The following BDH1 variants were observed in gnomAD, a reference collection of about 807,000 sequenced individuals.
BDH1 encodes D-beta-hydroxybutyrate dehydrogenase, mitochondrial.
A neutral mutation model predicts 33.1 loss-of-function variants in BDH1; 30 were observed. The ratio of observed to expected loss-of-function variants is 0.91; its 90% CI spans 0.68 to 1.23. The LOEUF is 1.23. BDH1 is among the 50% of genes most tolerant of loss of function. BDH1 has a pLI of 0.00. For missense variants in BDH1, 443 were observed against 464.4 expected (o/e 0.95, Z 0.42); for synonymous variants, 190 against 183.6 (o/e 1.03, Z -0.28).
rs1246323877 is a variant in BDH1, at chr3:197,522,197, C to G, written c.409+443G>C. 6.6e-6 allele frequency among the ~76,000 whole-genome samples: 1 copy of G among 152,214 alleles called. No homozygotes were observed. Among genetic ancestry groups the G allele is most frequent in the Non-Finnish European group, 1.5e-5 (1 of 68,046 alleles). ...TTAACTGGCCTATTTCCACTGCGCC[C>G]CCATGGCTGGACTGACCCCTCCTTC... On this transcript the variant is annotated intron_variant, in intron 6 of 7. Coordinates refer to ENST00000392379, the MANE Select transcript of BDH1 (RefSeq NM_203314.3). The surrounding 1 kb of genome is among the most constrained non-coding windows in gnomAD (Gnocchi z 4.8).
intron 3 of BDH1, chr3:197,542,956 G>A (rs912295668): frequency 1.2e-5 from 12 of 979,968 alleles, no homozygotes; most frequent in African/African-American, 1.8e-5. Flanking sequence ...ACCTCCCCAA[G>A]GCCCTGTGGA....
At chr3:197,552,283 A>G (rs1716641324) in intron 2 of BDH1, among the ~76,000 whole-genome samples, 1 of 152,140 alleles carries the variant, frequency 6.6e-6, no homozygotes, top group African/African-American at 2.4e-5. Context: ...GCCTAGTCCA[A>G]GCCTTCATCC....
intron 1 of BDH1, among the ~76,000 whole-genome samples, chr3:197,564,796 GTAAAGGTTA>G (rs1277734961): frequency 6.6e-6 from 1 of 152,154 alleles, no homozygotes; most frequent in Non-Finnish European, 1.5e-5. Flanking sequence ...CAACTCCTAA[GTAAAGGTTA>G]TAAAGGTTAT....
intron 1 of BDH1, among the ~76,000 whole-genome samples, chr3:197,565,925 AG>A (rs1324471934): frequency 1.3e-5 from 2 of 152,250 alleles, no homozygotes; most frequent in Non-Finnish European, 2.9e-5. Flanking sequence ...TCAGAACAAA[AG>A]CTAACTGCGT....
chr3:197,551,214 A>C (rs1282175975), intron 2 of BDH1, among the ~76,000 whole-genome samples: 1 of 152,186 alleles, frequency 6.6e-6, no homozygotes, highest in Non-Finnish European at 1.5e-5. Flanking sequence ...TCCCCACTGC[A>C]CAGACCCTCA....
At chr3:197,551,959 G>A (rs1020667240) in intron 2 of BDH1, among the ~76,000 whole-genome samples, 2 of 152,110 alleles carry the variant, frequency 1.3e-5, no homozygotes, top group African/African-American at 4.8e-5. Context: ...TCTGTTCTTG[G>A]TCTGTTCTCC....
At chr3:197,556,768 GCCAC>G (rs1317929572), upstream of BDH1, among the ~76,000 whole-genome samples, 3 of 152,230 alleles carry the variant, frequency 2.0e-5, no homozygotes, top group African/African-American at 7.2e-5. Context: ...AGGGCCATCG[GCCAC>G]AGATAAGGGT....
At chr3:197,569,351 A>G (rs1717532603) in intron 1 of BDH1, among the ~76,000 whole-genome samples, 1 of 152,196 alleles carries the variant, frequency 6.6e-6, no homozygotes, top group South Asian at 2.1e-4. Flanking sequence ...AGAAGCTGGA[A>G]TGGCTTTGTT....
chr3:197,556,465 C>G (rs1580008229), upstream of BDH1, among the ~76,000 whole-genome samples: 1 of 152,046 alleles, frequency 6.6e-6, no homozygotes, highest in East Asian at 1.9e-4. Context: ...GTCAGGAGTT[C>G]GAGACCAGCC....
Position 197,528,299 on chromosome 3 carries a change from AGTGAGTGT to A in BDH1, c.267+4105_267+4112del, listed in dbSNP as rs1443894500. The A allele has an allele frequency of 1.9e-4, 27 of 145,010 alleles. No homozygotes were observed. The highest frequency in any genetic ancestry group is 3.5e-3 in the Middle Eastern group (1 of 286). The allele number at this position is 145,010 out of a possible 1,614,324, so 9.0% of individuals were successfully genotyped here. A position where few individuals can be genotyped will look rare whatever the true frequency, so the allele number is the denominator to read the frequency against. The stretch of plus-strand genomic sequence containing the variant: ...TGGTGTAGGTCTGTATGAGTGAGTG[AGTGAGTGT>A]GTGTGTGTGTGTGTGTGTGTGTGTG... On this transcript the variant is annotated intron_variant, in intron 5 of 7. Coordinates refer to ENST00000392379, the MANE Select transcript of BDH1 (RefSeq NM_203314.3). The surrounding 1 kb of genome is among the most constrained non-coding windows in gnomAD (Gnocchi z 5.1).
chr3:197,524,231 G>A (rs1374669012), intron 5 of BDH1, among the ~76,000 whole-genome samples: 1 of 152,242 alleles, frequency 6.6e-6, no homozygotes, highest in Non-Finnish European at 1.5e-5. Flanking sequence ...CTTGTAAGAG[G>A]ACAGGACTAG....
At chr3:197,534,724 A>C (rs1714995642) in intron 3 of BDH1, among the ~76,000 whole-genome samples, 2 of 152,328 alleles carry the variant, frequency 1.3e-5, no homozygotes, top group South Asian at 4.1e-4. Flanking sequence ...GTTTCCCCAC[A>C]GCCTTGTCGG....
rs920367550 is a variant in BDH1, at chr3:197,512,362, G to A, written c.565C>T (p.Arg189Cys). 46 of 1,600,814 alleles carry A rather than the reference G, an allele frequency of 2.9e-5. No homozygotes were observed. The highest frequency in any genetic ancestry group is 3.4e-5 in the Non-Finnish European group (40 of 1,176,672). Residue 189 changes from arginine to cysteine, a missense_variant and splice_region_variant, in exon 8 of 8, where the codon CGC (arginine) becomes TGC (cysteine). Coordinates refer to ENST00000392379, the MANE Select transcript of BDH1 (RefSeq NM_203314.3). Reference sequence around the variant, plus strand: ...AGCATGCTGCTGATATTGACGACGCGGCCTACAGAGGGAGACAGAGGTACC... The same window carrying A: ...AGCATGCTGCTGATATTGACGACGCAGCCTACAGAGGGAGACAGAGGTACC... Reference protein sequence around the residue: ...FLPLIRRAKGRVVNISSMLGR... With the variant: ...FLPLIRRAKGCVVNISSMLGR...
Position 197,533,489 on chromosome 3 carries a change from C to G in BDH1, c.156G>C (p.Pro52=), listed in dbSNP as rs570279645. ...CCCGGGTAGCTGGGCTTCCACTCACCGGCTCCGCCGCACTGGCATAAGTCC... is the reference window on the plus strand; with the variant it reads ...CCCGGGTAGCTGGGCTTCCACTCACGGGCTCCGCCGCACTGGCATAAGTCC... ...GRRTYASAAE[P]VGSKAVLVTG... is the part of the protein sequence containing the mutation. Residue 52 remains proline (P), a splice_region_variant and synonymous_variant, in exon 4 of 8, where the codon CCG becomes CCC. Coordinates refer to ENST00000392379, the MANE Select transcript of BDH1 (RefSeq NM_203314.3). 6.2e-7 allele frequency: 1 copy of G among 1,614,214 alleles called. No individual in the cohort carries two copies.
upstream of BDH1, among the ~76,000 whole-genome samples, chr3:197,559,966 C>G (rs1472165119): frequency 6.6e-6 from 1 of 152,226 alleles, no homozygotes; most frequent in Non-Finnish European, 1.5e-5. Context: ...CTCTCCCTCC[C>G]CCTACTGTAA....
At position 197,516,308 on chromosome 3, in the gene BDH1, G is replaced by C. The variant is rs1387828854; in HGVS notation, c.410-1892C>G. On this transcript the variant is annotated intron_variant, in intron 6 of 7. Coordinates refer to ENST00000392379, the MANE Select transcript of BDH1 (RefSeq NM_203314.3). The surrounding 1 kb of genome is among the most constrained non-coding windows in gnomAD (Gnocchi z 4.2). ...TGATTCATAACGGACAATATCCCATGACTTAAAATGCATACAGCCCTTTCT... is the reference window on the plus strand; with the variant it reads ...TGATTCATAACGGACAATATCCCATCACTTAAAATGCATACAGCCCTTTCT... Among the ~76,000 whole-genome samples the C allele has an allele frequency of 1.3e-5, 2 of 152,266 alleles. No homozygotes were observed. Among genetic ancestry groups the C allele is most frequent in the African/African-American group, 4.8e-5 (2 of 41,544 alleles).
chr3:197,547,744 G>C (rs1375283584), intron 2 of BDH1, among the ~76,000 whole-genome samples: 1 of 152,188 alleles, frequency 6.6e-6, no homozygotes, highest in African/African-American at 2.4e-5. Context: ...GAGGCCCCTA[G>C]CTCACTGGGC....
rs892959009 is a variant in BDH1 at position 197,554,963 on chromosome 3, C to T, written c.-195-250G>A. On this transcript the variant is annotated intron_variant, in intron 1 of 7. Coordinates refer to ENST00000392379, the MANE Select transcript of BDH1 (RefSeq NM_203314.3). The surrounding 1 kb of genome is among the most constrained non-coding windows in gnomAD (Gnocchi z 4.4). ...AGAGCAGCGCTCCCCAACGGCCGGCCGGAGGGCGGGGAGAGAGGGGGGCTC... is the reference window on the plus strand; with the variant it reads ...AGAGCAGCGCTCCCCAACGGCCGGCTGGAGGGCGGGGAGAGAGGGGGGCTC... Among the ~76,000 whole-genome samples the T allele has an allele frequency of 3.9e-5, 6 of 152,228 alleles. No individual in the cohort carries two copies. The highest frequency in any genetic ancestry group is 8.8e-5 in the Non-Finnish European group (6 of 68,038).
In BDH1 at chr3:197,514,148, C is replaced by A; in HGVS notation, c.562+116G>T. Reference sequence around the variant, plus strand: ...CAGCATAGTCCCTGGGATTCACGAGCTCACCTCTGCTGAGTTGTGGACATT... The same window carrying A: ...CAGCATAGTCCCTGGGATTCACGAGATCACCTCTGCTGAGTTGTGGACATT... On this transcript the variant is annotated intron_variant, in intron 7 of 7. Transcript: ENST00000392379. This position sits in a 1 kb window ranked among gnomAD's most constrained non-coding sequence, Gnocchi z 4.2. The A allele has an allele frequency of 2.2e-6, 3 of 1,354,926 alleles. No individual in the cohort carries two copies. The allele number at this position is 1,354,926 out of a possible 1,614,324, so 83.9% of individuals were successfully genotyped here.
Sources: allele counts gnomAD v4.1 joint callset (sites outside exome capture counted in the v4.1 genomes callset), GRCh38; gene constraint gnomAD v4.1.1; non-coding constraint Gnocchi (gnomAD v3.1); transcripts MANE v1.5; gene names NCBI Gene and HGNC (gene_info 2026-07-23, HGNC 2026-07-21).